Variants in MTF2 observed in about 807,000 individuals in gnomAD.
The protein encoded by MTF2 is metal response element binding transcription factor 2.
Under a neutral mutation model 79.5 loss-of-function variants are expected in MTF2, and 11 were observed. The ratio of observed to expected loss-of-function variants is 0.14; its 90% CI spans 0.09 to 0.23. The LOEUF (loss-of-function observed/expected upper bound fraction) is 0.23. MTF2 is among the 10% of genes least tolerant of loss of function. The probability of loss-of-function intolerance (pLI) is 1.00; values close to 1 mark genes in which losing one functional copy is unlikely to be tolerated. For missense variants in MTF2, 486 were observed against 711.2 expected (o/e 0.68, Z 3.60); for synonymous variants, 208 against 232.8 (o/e 0.89, Z 0.97).
At chr1:93,110,495 C>T (rs373928931) in intron 2 of MTF2, 50 bp from the exon 3 acceptor site, 1 of 1,602,706 alleles carries the variant, frequency 6.2e-7, no homozygotes, top group South Asian at 1.1e-5. Context: ...AATTTAACTT[C>T]ATGTTTTTAA....
At chr1:93,089,461 G>A (rs1207005605) in intron 1 of MTF2, among the ~76,000 whole-genome samples, 2 of 152,030 alleles carry the variant, frequency 1.3e-5, no homozygotes, top group Non-Finnish European at 2.9e-5. Flanking sequence ...TGAGCAAAAT[G>A]TTTACTTTCA....
rs976322001 is a variant in MTF2, at chr1:93,138,989, A to C, written c.*1962A>C. The stretch of plus-strand genomic sequence containing the variant: ...GTTTTATTTTCTCATGGTGGTTCAC[A>C]TGGCTCTGATGTTCAGTTTGTATTT... On this transcript the variant is annotated 3_prime_UTR_variant, in exon 15 of 15. Transcript: ENST00000370298. The C allele has an allele frequency of 6.6e-6, 1 of 152,196 alleles. No individual in the cohort carries two copies. Among genetic ancestry groups the C allele is most frequent in the African/African-American group, 2.4e-5 (1 of 41,448 alleles). The allele number at this position is 152,196 out of a possible 1,614,324, so 9.4% of individuals were successfully genotyped here. A position where few individuals can be genotyped will look rare whatever the true frequency, so the allele number is the denominator to read the frequency against.
rs143820772 is a variant in MTF2 at position 93,110,276 on chromosome 1, T to C, written c.52T>C (p.Leu18=). The part of the protein sequence containing the change: ...GNSLVHKRSP[L]RRNQKTPTSL... ...TTCACTGGTCCACAAGCGGTCTCCT[T>C]TACGTCGAAACCAAAAGACCCCAAC... The change falls in exon 2 of 15, where the codon TTA becomes CTA. Residue 18 remains leucine, a synonymous_variant. Coordinates refer to ENST00000370298, the MANE Select transcript of MTF2 (RefSeq NM_007358.4). 7 of 1,614,012 alleles carry C rather than the reference T, an allele frequency of 4.3e-6. No individual in the cohort carries two copies. The African/African-American group carries it at 8.0e-5, about 18-fold the overall frequency.
intron 11 of MTF2, among the ~76,000 whole-genome samples, chr1:93,132,959 G>T (rs1378416132): frequency 2.0e-5 from 3 of 151,926 alleles, no homozygotes; most frequent in Non-Finnish European, 4.4e-5. Flanking sequence ...CTGAGTAAAT[G>T]AAATAGATAT....
At chr1:93,119,484 G>T in intron 8 of MTF2, 83 bp downstream of exon 8, 3 of 1,021,802 alleles carry the variant, frequency 2.9e-6, no homozygotes, top group Non-Finnish European at 4.3e-6. Flanking sequence ...ACATTTACTT[G>T]GCTTAAGTAA....
At chr1:93,101,590 T>TTTTTG (rs1655546318) in intron 1 of MTF2, among the ~76,000 whole-genome samples, 2 of 122,680 alleles carry the variant, frequency 1.6e-5, no homozygotes, top group Admixed American at 1.7e-4. Flanking sequence ...TTTTTTTTTT[T>TTTTTG]TTTTTTTGAG....
chr1:93,134,484 C>A, intron 14 of MTF2: 1 of 303,224 alleles, frequency 3.3e-6, no homozygotes, highest in Non-Finnish European at 6.0e-6. Flanking sequence ...CTTTTTAATG[C>A]CTCTGCTACA....
intron 1 of MTF2, among the ~76,000 whole-genome samples, chr1:93,098,233 ACT>A (rs1655377918): frequency 6.6e-6 from 1 of 152,210 alleles, no homozygotes; most frequent in African/African-American, 2.4e-5. Context: ...CTCTGAAACT[ACT>A]ACTCATCCTT....
chr1:93,128,835 CT>C (rs905163785), intron 10 of MTF2: 1 of 150,902 alleles, frequency 6.6e-6, no homozygotes, highest in African/African-American at 2.4e-5. Context: ...TTATCTCCTG[CT>C]TTCTTTTTCA....
intron 7 of MTF2, among the ~76,000 whole-genome samples, chr1:93,118,833 A>C (rs1656355221): frequency 1.3e-5 from 2 of 152,288 alleles, no homozygotes; most frequent in South Asian, 2.1e-4. Flanking sequence ...TATTAGAAGA[A>C]TGCAGGGTAG....
intron 6 of MTF2, among the ~76,000 whole-genome samples, chr1:93,116,501 ATTTTTTT>A (rs34058324): frequency 8.3e-6 from 1 of 120,444 alleles, no homozygotes; most frequent in East Asian, 2.3e-4. Context: ...CCATTGTAAG[ATTTTTTT>A]TTTTTTTTTT....
chr1:93,094,481 A>C (rs2101030612), intron 1 of MTF2, among the ~76,000 whole-genome samples: 1 of 152,288 alleles, frequency 6.6e-6, no homozygotes, highest in Admixed American at 6.5e-5. Context: ...TATATGTTTT[A>C]AGATTTTTTT....
At chr1:93,125,031 G>A (rs746158434) in intron 9 of MTF2, among the ~76,000 whole-genome samples, 38 of 152,104 alleles carry the variant, frequency 2.5e-4, no homozygotes, top group Non-Finnish European at 5.0e-4. Flanking sequence ...TAGTCATGGA[G>A]TGCTGAAGGA....
intron 3 of MTF2, among the ~76,000 whole-genome samples, chr1:93,113,983 T>C (rs1656146068): frequency 6.6e-6 from 1 of 151,452 alleles, no homozygotes; most frequent in Non-Finnish European, 1.5e-5. Flanking sequence ...GGGTGGTAAA[T>C]TGTATTAGAA....
rs186238599 is a variant in MTF2 at position 93,106,113 on chromosome 1, T to A, written c.6-4117T>A. Reference sequence around the variant, plus strand: ...CATAAGGAATCAAGGGTAACTATAATTAGGTTAGGTCTCATTTGAGACACA... The same window carrying A: ...CATAAGGAATCAAGGGTAACTATAAATAGGTTAGGTCTCATTTGAGACACA... On this transcript the variant is annotated intron_variant, in intron 1 of 14. Coordinates refer to ENST00000370298, the MANE Select transcript of MTF2 (RefSeq NM_007358.4). 2.6e-5 allele frequency among the ~76,000 whole-genome samples: 4 copies of A among 152,202 alleles called. No homozygotes were observed. The East Asian group carries it at 7.7e-4, about 29-fold the overall frequency.
chr1:93,122,859 AAG>A (rs1380783723), intron 9 of MTF2, among the ~76,000 whole-genome samples: 2 of 152,074 alleles, frequency 1.3e-5, no homozygotes, highest in African/African-American at 4.8e-5. Context: ...TTTAATAATA[AAG>A]AGATGATAAA....
intron 3 of MTF2, among the ~76,000 whole-genome samples, chr1:93,113,727 A>T (rs1656127840): frequency 6.6e-6 from 1 of 152,182 alleles, no homozygotes; most frequent in South Asian, 2.1e-4. Context: ...TTTGAATCCT[A>T]GTCTTGATGT....
rs762966323 is a variant in MTF2, at chr1:93,133,775, A to C, written c.1233A>C (p.Arg411Ser). The C allele has an allele frequency of 1.9e-6, 3 of 1,611,832 alleles. No homozygotes were observed. The East Asian group carries it at 6.7e-5, about 36-fold the overall frequency. The change falls in exon 12 of 15, where the codon AGA becomes AGC. Residue 411 changes from arginine to serine, a missense_variant. By Grantham distance (110) the Arg-to-Ser change is moderately radical (BLOSUM62 -1). Coordinates refer to ENST00000370298, the MANE Select transcript of MTF2 (RefSeq NM_007358.4). Reference sequence around the variant, plus strand: ...GTCGTCCACCTGGCCCATATACAAGAAAAATGATTCAAAAAACTGCTGAGC... The same window carrying C: ...GTCGTCCACCTGGCCCATATACAAGCAAAATGATTCAAAAAACTGCTGAGC... ...SVGRPPGPYTRKMIQKTAEPL... is the reference protein window; with the variant it reads ...SVGRPPGPYTSKMIQKTAEPL...
At chr1:93,108,606 ATTTTT>A (rs35393630) in intron 1 of MTF2, among the ~76,000 whole-genome samples, 3 of 103,496 alleles carry the variant, frequency 2.9e-5, no homozygotes, top group Admixed American at 1.9e-4. Context: ...TGCTTTCAAG[ATTTTT>A]TTTTTTTTTT....
Sources: allele counts gnomAD v4.1 joint callset (sites outside exome capture counted in the v4.1 genomes callset), GRCh38; gene constraint gnomAD v4.1.1; transcripts MANE v1.5; gene names NCBI Gene and HGNC (gene_info 2026-07-23, HGNC 2026-07-21).